MIDEAS: variants seen among roughly 807,000 people sequenced by gnomAD.
MIDEAS encodes mitotic deacetylase-associated SANT domain protein.
Under a neutral mutation model 102.7 loss-of-function variants are expected in MIDEAS, and 26 were observed. That is an observed-to-expected ratio of 0.25 (90% CI 0.19 to 0.35). The LOEUF (loss-of-function observed/expected upper bound fraction) is 0.35, where lower values mean the gene tolerates loss of function less well. Ranked by LOEUF, MIDEAS falls within the 10% of genes least tolerant of loss-of-function variation. The pLI is 1.00. For missense variants in MIDEAS, 1,231 were observed against 1,435.6 expected (o/e 0.86, Z 2.30); for synonymous variants, 585 against 591.0 (o/e 0.99, Z 0.15).
At chr14:73,786,388 G>A (rs142387632) in intron 1 of MIDEAS, among the ~76,000 whole-genome samples, 44 of 152,328 alleles carry the variant, frequency 2.9e-4, no homozygotes, top group Non-Finnish European at 5.9e-4. Flanking sequence ...GCTGGAAGCG[G>A]GTTTCTGAGT....
At chr14:73,731,971 G>C (rs924564654) in intron 3 of MIDEAS, among the ~76,000 whole-genome samples, 1 of 152,260 alleles carries the variant, frequency 6.6e-6, no homozygotes, top group South Asian at 2.1e-4. Flanking sequence ...AGTACTCACA[G>C]GCAGGGATTG....
At position 73,742,112 on chromosome 14, in the gene MIDEAS, C is replaced by T. The variant is rs541856297; in HGVS notation, c.-247-1857G>A. Among the ~76,000 whole-genome samples, 1 of 152,360 alleles carries T rather than the reference C, an allele frequency of 6.6e-6. No individual in the cohort carries two copies. The highest frequency in any genetic ancestry group is 2.4e-5 in the African/African-American group (1 of 41,594). On this transcript the variant is annotated intron_variant, in intron 1 of 12. Coordinates refer to ENST00000423556, the MANE Select transcript of MIDEAS (RefSeq NM_001367710.1). The surrounding 1 kb of genome is among the most constrained non-coding windows in gnomAD (Gnocchi z 4.4). The stretch of plus-strand genomic sequence containing the variant: ...GAAGCTGCAGGGTGGGACTGTCTGG[C>T]TCCGCCTCTCCGAGGGAACATCAAG...
chr14:73,771,764 T>C (rs777606456), intron 1 of MIDEAS, among the ~76,000 whole-genome samples: 7 of 152,182 alleles, frequency 4.6e-5, no homozygotes, highest in Non-Finnish European at 8.8e-5. Context: ...TGGCTAGCAT[T>C]AAAGAGCAAC....
intron 1 of MIDEAS, among the ~76,000 whole-genome samples, chr14:73,744,488 T>C (rs1055963310): frequency 2.0e-5 from 3 of 152,196 alleles, no homozygotes; most frequent in Admixed American, 6.5e-5. Context: ...TGGAGGCTAA[T>C]GCTCCAAGCT....
intron 7 of MIDEAS, 72 bp from the exon 8 acceptor site, chr14:73,726,180 T>G: frequency 1.3e-5 from 16 of 1,254,820 alleles, no homozygotes; most frequent in Non-Finnish European, 1.8e-5. Context: ...TTCTAGGCCC[T>G]GATAAAATCC....
rs1361883898 is a variant in MIDEAS, at chr14:73,718,936, C to T, written c.3207G>A (p.Ala1069=). The stretch of plus-strand genomic sequence containing the variant: ...CGGCCTCTTTCTCCTTCAGCCTCAG[C>T]GCTGCAGCCTTCTTCTCCTGCTCTG... ...SHAEQEKKAA[A]LRLKEKEAAA... The change falls in exon 13 of 13, where the codon GCG becomes GCA. Residue 1069 remains alanine, a synonymous_variant. Coordinates refer to ENST00000423556, the MANE Select transcript of MIDEAS (RefSeq NM_001367710.1). 38 of 1,526,180 alleles carry T rather than the reference C, an allele frequency of 2.5e-5. No homozygotes were observed. The highest frequency in any genetic ancestry group is 3.1e-5 in the Non-Finnish European group (35 of 1,143,406). 94.5% of individuals were successfully genotyped at this position (1,526,180 alleles called of 1,614,324 possible). A position where few individuals can be genotyped will look rare whatever the true frequency, so the allele number is the denominator to read the frequency against.
intron 1 of MIDEAS, among the ~76,000 whole-genome samples, chr14:73,776,957 G>C (rs374795884): frequency 1.7e-4 from 26 of 152,034 alleles, no homozygotes; most frequent in South Asian, 1.3e-3. Context: ...TGTAGTCCCA[G>C]CTACTCGGGA....
chr14:73,737,773 CTTTT>C (rs5809628), intron 2 of MIDEAS, among the ~76,000 whole-genome samples: 2 of 89,242 alleles, frequency 2.2e-5, no homozygotes, highest in South Asian at 4.1e-4. Flanking sequence ...TCTCCGACCA[CTTTT>C]TTTTTTTTTT....
chr14:73,757,480 G>A (rs1309192866), intron 1 of MIDEAS, among the ~76,000 whole-genome samples: 1 of 152,148 alleles, frequency 6.6e-6, no homozygotes, highest in Admixed American at 6.5e-5. Flanking sequence ...CCACACTGCA[G>A]TATGTACACA....
intron 1 of MIDEAS, among the ~76,000 whole-genome samples, chr14:73,747,866 T>C (rs1045512245): frequency 1.3e-5 from 2 of 152,142 alleles, no homozygotes; most frequent in African/African-American, 2.4e-5. Context: ...CAGAGTGCTA[T>C]GGCCTGCCCA....
chr14:73,740,351 G>A (rs916995936), intron 1 of MIDEAS, 96 bp from the exon 2 acceptor site: 4 of 398,808 alleles, frequency 1.0e-5, no homozygotes, highest in African/African-American at 6.2e-5. Flanking sequence ...AAGGGCCTTC[G>A]GTCCCACCAC....
chr14:73,786,664 G>A (rs1368649491), intron 1 of MIDEAS, among the ~76,000 whole-genome samples: 1 of 152,258 alleles, frequency 6.6e-6, no homozygotes, highest in East Asian at 1.9e-4. Flanking sequence ...TCCGGGGAAA[G>A]TTCCTTTAAC....
At chr14:73,730,057 T>G (rs1193461432) in intron 3 of MIDEAS, 72 bp from the exon 4 acceptor site, 1 of 1,472,326 alleles carries the variant, frequency 6.8e-7, no homozygotes, top group Non-Finnish European at 9.4e-7. Context: ...TAACCACAGC[T>G]TGCCAGTCTC....
intron 11 of MIDEAS, among the ~76,000 whole-genome samples, chr14:73,720,543 G>A (rs59280008): frequency 0.064 from 9,684 of 151,998 alleles, 1,051 homozygotes; most frequent in African/African-American, 0.22. Context: ...CACTGCGCCC[G>A]GCCTACTACA....
intron 1 of MIDEAS, among the ~76,000 whole-genome samples, chr14:73,741,195 C>G (rs1411335740): frequency 6.6e-6 from 1 of 152,212 alleles, no homozygotes; most frequent in Non-Finnish European, 1.5e-5. Flanking sequence ...CAGAAGGTTT[C>G]TCCACGATAA....
chr14:73,780,403 T>C (rs573714860), intron 1 of MIDEAS, among the ~76,000 whole-genome samples: 3 of 152,318 alleles, frequency 2.0e-5, no homozygotes, highest in African/African-American at 7.2e-5. Context: ...TCCCCAGTTA[T>C]GGAGAAAAAG....
rs1566580444 is a variant in MIDEAS, at chr14:73,719,335, T to TAAGA, written c.3103_3104insTCTT (p.Glu1035ValfsTer8). ...ACATTTTTTACAGGGGAAAGTGTTC[T>TAAGA]CCTGATTCTGGGTCTTACTGAATGT... On this transcript the variant is annotated frameshift_variant, in exon 12 of 13. Transcript: ENST00000423556. LOFTEE classifies it high-confidence loss of function. The TAAGA allele has an allele frequency of 6.2e-7, 1 of 1,613,344 alleles. No individual in the cohort carries two copies. Among genetic ancestry groups the TAAGA allele is most frequent in the Non-Finnish European group, 8.5e-7 (1 of 1,179,662 alleles).
chr14:73,771,919 A>C (rs1448392351), intron 1 of MIDEAS, among the ~76,000 whole-genome samples: 1 of 152,240 alleles, frequency 6.6e-6, no homozygotes, highest in East Asian at 1.9e-4. Context: ...CTGCAGAAGA[A>C]AGACTCAGCT....
rs200122114 is a variant in MIDEAS at position 73,725,401 on chromosome 14, G to A, written c.2486-41C>T. The A allele has an allele frequency of 4.4e-5, 68 of 1,561,330 alleles. No homozygotes were observed. ...GCAGCCAGGGAGTGAGGTGGGCAGGGCCCTGGCCACTGCAGGGCAATTTTG... is the reference window on the plus strand; with the variant it reads ...GCAGCCAGGGAGTGAGGTGGGCAGGACCCTGGCCACTGCAGGGCAATTTTG... On this transcript the variant is annotated intron_variant, in intron 8 of 12. Transcript: ENST00000423556. The surrounding 1 kb of genome is among the most constrained non-coding windows in gnomAD (Gnocchi z 4.1).
Sources: gnomAD v4.1 joint callset for allele counts (sites outside exome capture counted in the v4.1 genomes callset) on GRCh38, gnomAD v4.1.1 for gene constraint, Gnocchi (gnomAD v3.1) non-coding constraint, MANE v1.5 for transcripts, NCBI Gene and HGNC (gene_info 2026-07-23, HGNC 2026-07-21) for gene names.